Variants in PITPNC1 observed in about 807,000 individuals in gnomAD.
The protein encoded by PITPNC1 is phosphatidylinositol transfer protein cytoplasmic 1.
Under a neutral mutation model 44.7 loss-of-function variants are expected in PITPNC1, and 18 were observed. The ratio of observed to expected loss-of-function variants is 0.40; its 90% CI spans 0.28 to 0.60. The LOEUF (loss-of-function observed/expected upper bound fraction) is 0.60. Ranked by LOEUF, PITPNC1 falls within the 20% of genes least tolerant of loss-of-function variation. PITPNC1 has a pLI of 0.39. For synonymous variants in PITPNC1, 141 were observed against 149.6 expected (o/e 0.94, Z 0.42); for missense variants, 290 against 418.4 (o/e 0.69, Z 2.68).
chr17:67,676,030 C>A lies in PITPNC1; in HGVS notation c.682+488C>A, dbSNP rs1463295108. 3.3e-5 allele frequency among the ~76,000 whole-genome samples: 5 copies of A among 152,086 alleles called. No individual in the cohort carries two copies. On this transcript the variant is annotated intron_variant, in intron 8 of 8. Coordinates refer to ENST00000581322, the MANE Select transcript of PITPNC1 (RefSeq NM_012417.4). This position sits in a 1 kb window ranked among gnomAD's most constrained non-coding sequence, Gnocchi z 4.0. ...GACCATCCTGGCTAACACGGTGAAA[C>A]CCCGTCTCTACTAAATAATACAAAA...
chr17:67,656,759 G>A (rs2042273515), intron 6 of PITPNC1, among the ~76,000 whole-genome samples: 1 of 152,172 alleles, frequency 6.6e-6, no homozygotes. Context: ...GAAGGTTGAG[G>A]TTTATAAACC....
At chr17:67,638,680 C>G (rs539322942) in intron 6 of PITPNC1, 5 of 152,344 alleles carry the variant, frequency 3.3e-5, no homozygotes, top group South Asian at 2.1e-4. Flanking sequence ...AAAGGAGTCT[C>G]TAGCCCAGAG....
At chr17:67,526,732 CAA>C (rs34938426) in intron 1 of PITPNC1, among the ~76,000 whole-genome samples, 9 of 117,794 alleles carry the variant, frequency 7.6e-5, no homozygotes, top group Middle Eastern at 4.3e-3. Flanking sequence ...GACTCCATCT[CAA>C]AAAAAAAAAA....
At chr17:67,480,446 ACAACT>A (rs1412693920) in intron 1 of PITPNC1, among the ~76,000 whole-genome samples, 1 of 152,202 alleles carries the variant, frequency 6.6e-6, no homozygotes, top group Non-Finnish European at 1.5e-5. Flanking sequence ...TTGCAAGGAG[ACAACT>A]CAACGTCCAA....
chr17:67,385,298 C>G (rs1332334085), intron 1 of PITPNC1, among the ~76,000 whole-genome samples: 6 of 152,150 alleles, frequency 3.9e-5, no homozygotes. Flanking sequence ...CTAATCAGCA[C>G]TCTGCAAAAA....
chr17:67,378,943 C>T (rs2037914618), intron 1 of PITPNC1: 1 of 983,480 alleles, frequency 1.0e-6, no homozygotes, highest in Admixed American at 6.2e-5. Context: ...CGGCTGGGGG[C>T]GCCGGGCGCG....
intron 1 of PITPNC1, among the ~76,000 whole-genome samples, chr17:67,381,109 C>T (rs990068982): frequency 1.3e-5 from 2 of 151,896 alleles, no homozygotes; most frequent in Admixed American, 6.6e-5. Context: ...GGGCAGATCA[C>T]GAGGTCAGGA....
At chr17:67,546,577 C>A (rs1009309286) in intron 2 of PITPNC1, among the ~76,000 whole-genome samples, 6 of 152,184 alleles carry the variant, frequency 3.9e-5, no homozygotes, top group African/African-American at 1.4e-4. Context: ...GATGGTGTGT[C>A]CTGTGTCGCC....
chr17:67,392,959 C>G (rs2038160831), intron 1 of PITPNC1, among the ~76,000 whole-genome samples: 2 of 152,010 alleles, frequency 1.3e-5, no homozygotes, highest in Admixed American at 1.3e-4. Flanking sequence ...GAAACCCCAT[C>G]TCTACTAAAA....
At chr17:67,602,488 G>A (rs1043425379) in intron 5 of PITPNC1, among the ~76,000 whole-genome samples, 1 of 152,108 alleles carries the variant, frequency 6.6e-6, no homozygotes, top group Non-Finnish European at 1.5e-5. Context: ...GAATGAGGAG[G>A]CTGGGCCTAT....
intron 1 of PITPNC1, among the ~76,000 whole-genome samples, chr17:67,523,155 G>A (rs749526535): frequency 6.6e-6 from 1 of 152,092 alleles, no homozygotes; most frequent in Admixed American, 6.5e-5. Context: ...CTGTCTCTAC[G>A]AACTTGACAC....
intron 8 of PITPNC1, among the ~76,000 whole-genome samples, chr17:67,680,578 C>CA (rs2042684492): frequency 7.1e-6 from 1 of 140,602 alleles, no homozygotes; most frequent in Non-Finnish European, 1.5e-5. Context: ...CCAGCCTGGG[C>CA]AACAAGAGTG....
intron 1 of PITPNC1, among the ~76,000 whole-genome samples, chr17:67,415,318 T>C (rs184024800): frequency 1.3e-5 from 2 of 152,364 alleles, no homozygotes; most frequent in East Asian, 3.9e-4. Flanking sequence ...ACTTCATTTC[T>C]CTTCTGCCCT....
At chr17:67,620,285 C>T (rs1240699302) in intron 5 of PITPNC1, among the ~76,000 whole-genome samples, 3 of 152,172 alleles carry the variant, frequency 2.0e-5, no homozygotes, top group East Asian at 1.9e-4. Context: ...AACTGCTGCA[C>T]GTAAGCAATC....
At chr17:67,680,860 C>A (rs773181064) in intron 8 of PITPNC1, among the ~76,000 whole-genome samples, 8 of 152,142 alleles carry the variant, frequency 5.3e-5, no homozygotes, top group Non-Finnish European at 8.8e-5. Flanking sequence ...ATTTCTGGGG[C>A]CTCCCTGACC....
intron 1 of PITPNC1, among the ~76,000 whole-genome samples, chr17:67,459,033 T>A (rs903027560): frequency 1.3e-5 from 2 of 152,016 alleles, no homozygotes; most frequent in Admixed American, 6.5e-5. Flanking sequence ...GGGGATGATT[T>A]TTCCCCCTAG....
chr17:67,645,384 T>C lies in PITPNC1; in HGVS notation c.462+13146T>C, dbSNP rs184915464. ...AAAAGAGAAAGTGATTTGTTTTGAT[T>C]GACACATTGAGGAGGAGCTCCTGGT... On this transcript the variant is annotated intron_variant, in intron 6 of 8. Coordinates refer to ENST00000581322, the MANE Select transcript of PITPNC1 (RefSeq NM_012417.4). 3.8e-3 allele frequency among the ~76,000 whole-genome samples: 578 copies of C among 151,528 alleles called. 1 individual carries two copies. The highest frequency in any genetic ancestry group is 5.9e-3 in the Non-Finnish European group (404 of 67,914).
chr17:67,669,760 C>G lies in PITPNC1; in HGVS notation c.618+97C>G. On this transcript the variant is annotated intron_variant, in intron 7 of 8. Transcript: ENST00000581322. ...ATACACAACAGGTGCACAAATACAT[C>G]AGGTCACTGCATCTCAAAAACACTT... 3.6e-6 allele frequency: 3 copies of G among 840,562 alleles called. No homozygotes were observed. The South Asian group carries it at 5.3e-5, about 15-fold the overall frequency. The allele number at this position is 840,562 out of a possible 1,614,324, so 52.1% of individuals were successfully genotyped here.
intron 1 of PITPNC1, among the ~76,000 whole-genome samples, chr17:67,527,390 C>T (rs971810198): frequency 1.2e-4 from 19 of 152,198 alleles, no homozygotes; most frequent in Admixed American, 2.6e-4. Flanking sequence ...ACTCACTTGT[C>T]TGAATCATTG....
Sources: allele counts gnomAD v4.1 joint callset (sites outside exome capture counted in the v4.1 genomes callset), GRCh38; gene constraint gnomAD v4.1.1; non-coding constraint Gnocchi (gnomAD v3.1); transcripts MANE v1.5; gene names NCBI Gene and HGNC (gene_info 2026-07-23, HGNC 2026-07-21).